Variants in PBX1 observed in about 807,000 individuals in gnomAD.
The protein encoded by PBX1 is pre-B-cell leukemia transcription factor 1.
In PBX1, 6 loss-of-function variants were observed where a neutral mutation model predicts 53.4. The observed-to-expected ratio is 0.11, with a 90% CI of 0.06 to 0.22. The LOEUF (loss-of-function observed/expected upper bound fraction) is 0.22. Ranked by LOEUF, PBX1 falls within the 10% of genes least tolerant of loss-of-function variation. The pLI, the probability that PBX1 is intolerant of heterozygous loss-of-function variation, is 1.00. For synonymous variants in PBX1, 204 were observed against 212.3 expected, an observed-to-expected ratio of 0.96 and a Z score of 0.34; for missense variants, 251 against 551.4, an observed-to-expected ratio of 0.46 and a Z score of 5.46.
chr1:164,725,683 C>T (rs116126081), intron 2 of PBX1, among the ~76,000 whole-genome samples: 2,339 of 152,222 alleles, frequency 0.015, 30 homozygotes, highest in Non-Finnish European at 0.024. Flanking sequence ...AAATCAGAAA[C>T]ATCTGATGCC....
At chr1:164,784,013 C>A (rs1461161866) in intron 2 of PBX1, among the ~76,000 whole-genome samples, 1 of 152,160 alleles carries the variant, frequency 6.6e-6, no homozygotes, top group Admixed American at 6.5e-5. Context: ...CAGCAAGTTG[C>A]CGACCAATGG....
At chr1:164,857,718 A>T (rs996163675) in intron 2 of PBX1, among the ~76,000 whole-genome samples, 1 of 152,174 alleles carries the variant, frequency 6.6e-6, no homozygotes, top group African/African-American at 2.4e-5. Context: ...TGTACCAGGA[A>T]CTGGGGACAA....
At chr1:164,633,553 T>G (rs1388765761) in intron 2 of PBX1, among the ~76,000 whole-genome samples, 3 of 152,186 alleles carry the variant, frequency 2.0e-5, no homozygotes, top group African/African-American at 7.2e-5. Context: ...ATGGACTGTT[T>G]CTTGGATCTG....
chr1:164,652,310 C>G (rs1659876151), intron 2 of PBX1, among the ~76,000 whole-genome samples: 1 of 152,150 alleles, frequency 6.6e-6, no homozygotes. Context: ...TTAAATAACC[C>G]CTGTGGGGGT....
chr1:164,763,086 A>T (rs919393737), intron 2 of PBX1, among the ~76,000 whole-genome samples: 3 of 151,808 alleles, frequency 2.0e-5, no homozygotes. Context: ...GAGGTTAAAC[A>T]GTCAAAATCA....
rs987621470 is a variant in PBX1, at chr1:164,868,282, G to T, written n.258-30906G>T. On this transcript the variant is annotated intron_variant and non_coding_transcript_variant, in intron 2 of 2. Coordinates refer to the PBX1 transcript ENST00000558796. ...CTCTCTTCCCTCTGTGCAGCTCCAC[G>T]CAGTGGGCAGGAATTTGAGGACCCC... Among the ~76,000 whole-genome samples, 3 of 152,068 alleles carry T rather than the reference G, an allele frequency of 2.0e-5. No homozygotes were observed. The East Asian group carries it at 5.8e-4, about 29-fold the overall frequency.
At chr1:164,776,870 T>A (rs1423946611) in intron 2 of PBX1, among the ~76,000 whole-genome samples, 2 of 151,032 alleles carry the variant, frequency 1.3e-5, no homozygotes, top group African/African-American at 4.9e-5. Flanking sequence ...TAATATTGAA[T>A]CTCTGCAGTA....
chr1:164,607,202 A>C (rs1464775550), intron 2 of PBX1, among the ~76,000 whole-genome samples: 1 of 152,130 alleles, frequency 6.6e-6, no homozygotes. Flanking sequence ...ATGAGAGGTA[A>C]CAAGATCAGA....
At position 164,849,312 on chromosome 1, in the gene PBX1, C is replaced by T. The variant is rs1308323876; in HGVS notation, c.*2636C>T. Reference sequence around the variant, plus strand: ...CTTTCACAGCATTTTCCCCAACCAGCATTTCACTTAGTCTTCTCTATACCC... The same window carrying T: ...CTTTCACAGCATTTTCCCCAACCAGTATTTCACTTAGTCTTCTCTATACCC... On this transcript the variant is annotated 3_prime_UTR_variant, in exon 9 of 9. Transcript: ENST00000420696. 6.5e-7 allele frequency: 1 copy of T among 1,535,240 alleles called. No homozygotes were observed. The highest frequency in any genetic ancestry group is 8.7e-7 in the Non-Finnish European group (1 of 1,146,602).
intron 2 of PBX1, among the ~76,000 whole-genome samples, chr1:164,572,873 A>T (rs183822598): frequency 2.0e-5 from 3 of 152,130 alleles, no homozygotes; most frequent in Admixed American, 2.0e-4. Flanking sequence ...GTTTTCTACT[A>T]CCTCTGTCCG....
intron 2 of PBX1, among the ~76,000 whole-genome samples, chr1:164,672,717 T>C (rs1035092233): frequency 3.9e-5 from 6 of 152,242 alleles, no homozygotes; most frequent in Non-Finnish European, 7.3e-5. Flanking sequence ...GGCGTGCCTT[T>C]GCATCATGTG....
chr1:164,809,740 A>C (rs2102340823), intron 5 of PBX1, among the ~76,000 whole-genome samples: 1 of 152,302 alleles, frequency 6.6e-6, no homozygotes, highest in Admixed American at 6.5e-5. Context: ...CCCATGACCC[A>C]AAACAAAGAT....
intron 2 of PBX1, among the ~76,000 whole-genome samples, chr1:164,885,922 T>C (rs1672766291): frequency 6.6e-6 from 1 of 152,128 alleles, no homozygotes; most frequent in East Asian, 1.9e-4. Flanking sequence ...TTATCTTATT[T>C]ATTGCCTCTT....
In PBX1 at chr1:164,848,699, A is replaced by G. The variant is rs552480658; in HGVS notation, c.*2023A>G. On this transcript the variant is annotated 3_prime_UTR_variant, in exon 9 of 9. Coordinates refer to ENST00000420696, the MANE Select transcript of PBX1 (RefSeq NM_002585.4). ...TTGAACCCAATATGTTGCCTTGTAC[A>G]TACTTGGTCCCTGTCACATTGACTG... 40 of 1,056,350 alleles carry G rather than the reference A, an allele frequency of 3.8e-5. No individual in the cohort carries two copies. In the South Asian group the frequency reaches 8.7e-4, roughly 23 times the overall value. 65.4% of individuals were successfully genotyped at this position (1,056,350 alleles called of 1,614,324 possible).
chr1:164,786,200 T>C (rs992207021), intron 2 of PBX1, among the ~76,000 whole-genome samples: 4 of 152,186 alleles, frequency 2.6e-5, no homozygotes, highest in Admixed American at 2.0e-4. Context: ...TGATTCTTTA[T>C]TATATTGCTC....
intron 2 of PBX1, among the ~76,000 whole-genome samples, chr1:164,775,158 A>G (rs892158531): frequency 1.3e-5 from 2 of 151,874 alleles, no homozygotes; most frequent in African/African-American, 2.4e-5. Context: ...TTTTCTCTCA[A>G]CCTCTGTGCT....
At chr1:164,709,685 A>C (rs949838570) in intron 2 of PBX1, among the ~76,000 whole-genome samples, 3 of 152,174 alleles carry the variant, frequency 2.0e-5, no homozygotes, top group Non-Finnish European at 4.4e-5. Flanking sequence ...AAAGTGGAAG[A>C]GCGAAGGCAG....
At chr1:164,783,393 T>C (rs1340693239) in intron 2 of PBX1, among the ~76,000 whole-genome samples, 1 of 151,998 alleles carries the variant, frequency 6.6e-6, no homozygotes, top group Non-Finnish European at 1.5e-5. Flanking sequence ...GGGGGGTGTC[T>C]GTGTGCATTT....
chr1:164,857,604 T>C (rs900956151), intron 2 of PBX1, among the ~76,000 whole-genome samples: 1 of 152,194 alleles, frequency 6.6e-6, no homozygotes, highest in Non-Finnish European at 1.5e-5. Context: ...GTGACCAGCT[T>C]CATACTTAAG....
Sources: gnomAD v4.1 joint callset for allele counts (sites outside exome capture counted in the v4.1 genomes callset) on GRCh38, gnomAD v4.1.1 for gene constraint, MANE v1.5 for transcripts, NCBI Gene and HGNC (gene_info 2026-07-23, HGNC 2026-07-21) for gene names.